ZNF618: variants seen among roughly 807,000 people sequenced by gnomAD.
ZNF618 encodes the protein zinc finger protein 618, also known as neural precursor cell expressed, developmentally down-regulated 10.
In ZNF618, 34 loss-of-function variants were observed where a neutral mutation model predicts 103.0. That is an observed-to-expected ratio of 0.33 (90% CI 0.25 to 0.44). The LOEUF is 0.44. ZNF618 is among the 20% of genes least tolerant of loss of function. ZNF618 has a pLI of 1.00. For synonymous variants in ZNF618, 551 were observed against 542.2 expected (o/e 1.02, Z -0.23); for missense variants, 1,059 against 1,295.4 (o/e 0.82, Z 2.80).
chr9:114,031,519 A>G (rs1162084509), intron 11 of ZNF618, among the ~76,000 whole-genome samples: 1 of 152,218 alleles, frequency 6.6e-6, no homozygotes, highest in African/African-American at 2.4e-5. Context: ...GGCACCCACA[A>G]ACTAAGCACT....
intron 4 of ZNF618, 147 bp downstream of exon 4, chr9:113,998,501 C>G (rs1303337933): frequency 5.7e-6 from 4 of 700,836 alleles, no homozygotes; most frequent in Non-Finnish European, 9.8e-6. Context: ...ATCCCCTGTC[C>G]TGGCTACATG....
chr9:113,876,872 C>A (rs1276168269), intron 1 of ZNF618, among the ~76,000 whole-genome samples: 9 of 143,582 alleles, frequency 6.3e-5, no homozygotes, highest in Non-Finnish European at 4.5e-5. Context: ...TTGCAACAAT[C>A]TTTTTTTTTA....
At chr9:113,988,679 G>A in intron 3 of ZNF618, 99 bp downstream of exon 3, 1 of 1,450,034 alleles carries the variant, frequency 6.9e-7, no homozygotes, top group Non-Finnish European at 9.1e-7. Flanking sequence ...CCCCTTCCTG[G>A]CTGAGAGAAC....
chr9:113,896,352 G>T (rs1454925413), intron 1 of ZNF618, among the ~76,000 whole-genome samples: 1 of 152,006 alleles, frequency 6.6e-6, no homozygotes, highest in African/African-American at 2.4e-5. Flanking sequence ...TGTAAGTGTA[G>T]CCTAACGATT....
intron 1 of ZNF618, among the ~76,000 whole-genome samples, chr9:113,879,063 C>T (rs1315504215): frequency 6.7e-6 from 1 of 150,356 alleles, no homozygotes; most frequent in Admixed American, 6.6e-5. Context: ...TTATTTAGGC[C>T]GATGAGTAGG....
In ZNF618 at chr9:114,004,225, C is replaced by T. The variant is rs556672391; in HGVS notation, c.550+1563C>T. Among the ~76,000 whole-genome samples the T allele has an allele frequency of 6.6e-5, 10 of 152,176 alleles. No individual in the cohort carries two copies. The South Asian group carries it at 1.9e-3, about 28-fold the overall frequency. On this transcript the variant is annotated intron_variant, in intron 6 of 14. Transcript: ENST00000374126. ...TGGATTCTTATGCCAAAGGAGAGGC[C>T]GGCATGTTCCAGAGAGAAATCTGAG...
At chr9:114,037,282 C>T (rs932870976) in intron 13 of ZNF618, among the ~76,000 whole-genome samples, 1 of 152,124 alleles carries the variant, frequency 6.6e-6, no homozygotes, top group African/African-American at 2.4e-5. Context: ...GCTCCGTCCT[C>T]CTCTAGATCT....
intron 1 of ZNF618, among the ~76,000 whole-genome samples, chr9:113,963,066 A>C (rs1269355697): frequency 6.6e-6 from 1 of 152,154 alleles, no homozygotes; most frequent in Non-Finnish European, 1.5e-5. Context: ...AGTTTTGGGG[A>C]TTCACTGGCT....
At chr9:113,893,650 T>G (rs2131073413) in intron 1 of ZNF618, among the ~76,000 whole-genome samples, 1 of 152,274 alleles carries the variant, frequency 6.6e-6, no homozygotes. Context: ...CTACATAATA[T>G]TCACAGATGA....
intron 1 of ZNF618, among the ~76,000 whole-genome samples, chr9:113,951,020 A>T (rs1324817826): frequency 6.8e-6 from 1 of 147,086 alleles, no homozygotes; most frequent in African/African-American, 2.5e-5. Context: ...GGAGGGGGGG[A>T]CAGGATCAGA....
At chr9:113,894,042 G>A (rs377711220) in intron 1 of ZNF618, among the ~76,000 whole-genome samples, 24 of 152,256 alleles carry the variant, frequency 1.6e-4, no homozygotes, top group Middle Eastern at 3.4e-3. Context: ...ATACCACAGT[G>A]CTCCAAGATG....
intron 1 of ZNF618, among the ~76,000 whole-genome samples, chr9:113,926,822 G>C (rs1231397945): frequency 6.6e-6 from 1 of 152,172 alleles, no homozygotes; most frequent in Non-Finnish European, 1.5e-5. Flanking sequence ...AGACCAGCCT[G>C]TGCAACATGG....
At chr9:113,981,348 T>TA (rs1396719527) in intron 2 of ZNF618, among the ~76,000 whole-genome samples, 3 of 152,254 alleles carry the variant, frequency 2.0e-5, no homozygotes, top group African/African-American at 7.2e-5. Context: ...CCCCTCTGTG[T>TA]AAGGAGACAC....
At chr9:113,889,804 C>T (rs187228223) in intron 1 of ZNF618, among the ~76,000 whole-genome samples, 6 of 152,178 alleles carry the variant, frequency 3.9e-5, no homozygotes, top group Admixed American at 6.6e-5. Context: ...ACTGTCTGTT[C>T]TTCTGTCTAT....
At position 113,892,538 on chromosome 9, in the gene ZNF618, G is replaced by A. The variant is rs149694260; in HGVS notation, c.33+16125G>A. The stretch of plus-strand genomic sequence containing the variant: ...ATGGTCAAAGAAAAAAGTTAAACAC[G>A]TCCATAACCTAACACATCAACAGTT... On this transcript the variant is annotated intron_variant, in intron 1 of 14. Transcript: ENST00000374126. 2.4e-3 allele frequency among the ~76,000 whole-genome samples: 364 copies of A among 152,164 alleles called. 2 individuals carry two copies. The highest frequency in any genetic ancestry group is 3.7e-3 in the Non-Finnish European group (255 of 68,006).
chr9:114,050,116 C>G lies in ZNF618; in HGVS notation c.2814C>G (p.Leu938=). Residue 938 remains leucine (L), a synonymous_variant, in exon 15 of 15, where the codon CTC becomes CTG. Transcript: ENST00000374126. ...QALLIKRRRL[L]SPEDMNKLMF... ...TTCTAATCAAACGGAGGCGGCTGCT[C>G]AGTCCAGAAGATATGAATAAACTCA... is the stretch of plus-strand genomic sequence containing the variant. 1 of 1,605,292 alleles carries G rather than the reference C, an allele frequency of 6.2e-7. No individual in the cohort carries two copies. The highest frequency in any genetic ancestry group is 8.5e-7 in the Non-Finnish European group (1 of 1,177,090).
intron 1 of ZNF618, among the ~76,000 whole-genome samples, chr9:113,911,538 A>G (rs1831547674): frequency 6.6e-6 from 1 of 151,800 alleles, no homozygotes; most frequent in African/African-American, 2.4e-5. Flanking sequence ...CGTGTTATCT[A>G]GGATGGTCTC....
intron 13 of ZNF618, among the ~76,000 whole-genome samples, chr9:114,038,492 T>A (rs1439595023): frequency 6.6e-6 from 1 of 152,148 alleles, no homozygotes; most frequent in Admixed American, 6.5e-5. Context: ...CTTGGCTCCA[T>A]AGAGAGAAAT....
intron 1 of ZNF618, among the ~76,000 whole-genome samples, chr9:113,885,107 G>C (rs1303484096): frequency 6.6e-6 from 1 of 152,092 alleles, no homozygotes; most frequent in Admixed American, 6.5e-5. Flanking sequence ...GTTTCAAAGG[G>C]GAGACGCCTG....
Sources: allele counts gnomAD v4.1 joint callset (sites outside exome capture counted in the v4.1 genomes callset), GRCh38; gene constraint gnomAD v4.1.1; transcripts MANE v1.5; gene names NCBI Gene and HGNC (gene_info 2026-07-23, HGNC 2026-07-21).